ENKUR: variants seen among roughly 807,000 people sequenced by gnomAD.
ENKUR encodes enkurin.
In ENKUR, 19 loss-of-function variants were observed where a neutral mutation model predicts 27.6. The ratio of observed to expected loss-of-function variants is 0.69; its 90% CI spans 0.48 to 1.01. ENKUR has a LOEUF of 1.01. ENKUR is among the 50% of genes least tolerant of loss of function. The probability of loss-of-function intolerance (pLI) is 0.00; values close to 1 mark genes in which losing one functional copy is unlikely to be tolerated. For missense variants in ENKUR, 312 were observed against 310.5 expected (o/e 1.00, Z -0.04); for synonymous variants, 117 against 96.9 (o/e 1.21, Z -1.22).
At chr10:25,025,864 A>C in intron 2 of ENKUR, 1 of 171,780 alleles carries the variant, frequency 5.8e-6, no homozygotes, top group Non-Finnish European at 1.4e-5. Context: ...ACCACTCAAA[A>C]TGGCTAACTT....
chr10:24,994,444 G>A (rs745605399), intron 3 of ENKUR, among the ~76,000 whole-genome samples: 8 of 150,420 alleles, frequency 5.3e-5, no homozygotes, highest in Non-Finnish European at 1.0e-4. Context: ...AGCGATTCTC[G>A]TGCCTTAGCC....
rs199991900 is a variant in ENKUR, at chr10:24,994,336, C to CT, written c.447+1309dup. On this transcript the variant is annotated intron_variant, in intron 3 of 5. Transcript: ENST00000331161. ...TTATTATTCTTTAGAATTCTGCACTCTTTTTTTTTTTTTTTGACACCGAGT... is the reference window on the plus strand; with the variant it reads ...TTATTATTCTTTAGAATTCTGCACTCTTTTTTTTTTTTTTTTGACACCGAGT... 6.5e-3 allele frequency among the ~76,000 whole-genome samples: 889 copies of CT among 137,664 alleles called. 6 individuals are homozygous for CT. The highest frequency in any genetic ancestry group is 0.01 in the Admixed American group (142 of 13,584). The allele number at this position is 137,664 out of a possible 152,430, so 90.3% of individuals were successfully genotyped here.
intron 2 of ENKUR, among the ~76,000 whole-genome samples, chr10:25,045,218 A>G (rs1851109331): frequency 6.6e-6 from 1 of 152,086 alleles, no homozygotes; most frequent in Non-Finnish European, 1.5e-5. Context: ...GGTTAGTCTG[A>G]TAAAAGTTGC....
At chr10:25,027,080 C>T (rs1850867082) in intron 2 of ENKUR, among the ~76,000 whole-genome samples, 1 of 151,914 alleles carries the variant, frequency 6.6e-6, no homozygotes, top group Admixed American at 6.6e-5. Flanking sequence ...TTTTGCTTGG[C>T]ATGGTGGCTC....
chr10:25,002,922 T>TA (rs563695697), intron 1 of ENKUR, among the ~76,000 whole-genome samples: 6,383 of 147,276 alleles, frequency 0.043, 153 homozygotes, highest in Non-Finnish European at 0.062. Flanking sequence ...TCATTTGGGG[T>TA]AAAAAAAAAA....
intron 4 of ENKUR, among the ~76,000 whole-genome samples, chr10:24,988,626 C>T (rs1288600638): frequency 1.1e-5 from 1 of 94,214 alleles, no homozygotes; most frequent in Non-Finnish European, 2.1e-5. Flanking sequence ...GATTATAGAT[C>T]TTTAGCTGGC....
At chr10:25,024,639 C>G (rs754437079) in intron 2 of ENKUR, 2 of 1,614,212 alleles carry the variant, frequency 1.2e-6, no homozygotes, top group Admixed American at 3.3e-5. Flanking sequence ...ACTCCATAAA[C>G]TGGGGCCGAC....
intron 2 of ENKUR, among the ~76,000 whole-genome samples, chr10:25,022,806 T>C (rs7920740): frequency 0.036 from 5,465 of 152,220 alleles, 342 homozygotes; most frequent in African/African-American, 0.12. Flanking sequence ...AACCATGAAA[T>C]AATTTTCATT....
At chr10:25,060,107 G>C (rs1851309401) in intron 2 of ENKUR, among the ~76,000 whole-genome samples, 1 of 152,172 alleles carries the variant, frequency 6.6e-6, no homozygotes, top group Non-Finnish European at 1.5e-5. Flanking sequence ...GGGTGCTTAG[G>C]AAGCCTGTGA....
chr10:25,040,207 C>T (rs1352984), intron 2 of ENKUR, among the ~76,000 whole-genome samples: 40,208 of 151,730 alleles, frequency 0.26, 6,307 homozygotes, highest in East Asian at 0.5. Context: ...TGCATTCTAG[C>T]GGTCAAAGCA....
rs984461270 is a variant in ENKUR, at chr10:24,983,761, A to C, written c.*609T>G. 1 of 152,236 alleles carries C rather than the reference A, an allele frequency of 6.6e-6. No individual in the cohort carries two copies. Among genetic ancestry groups the C allele is most frequent in the African/African-American group, 2.4e-5 (1 of 41,472 alleles). The allele number at this position is 152,236 out of a possible 1,614,324, so 9.4% of individuals were successfully genotyped here. ...CCAGAGGATAAAAACCAGTGTAAGC[A>C]GTAGAAATTGTTATTTCTCTGATAT... is the stretch of plus-strand genomic sequence containing the variant. On this transcript the variant is annotated 3_prime_UTR_variant, in exon 6 of 6. Transcript: ENST00000331161.
intron 2 of ENKUR, among the ~76,000 whole-genome samples, chr10:24,996,320 G>A (rs1451060222): frequency 2.0e-5 from 3 of 152,168 alleles, no homozygotes; most frequent in African/African-American, 7.2e-5. Flanking sequence ...TACTCAGGAG[G>A]CTGAGGTGGG....
intron 3 of ENKUR, among the ~76,000 whole-genome samples, chr10:24,995,047 T>G (rs1850015890): frequency 6.6e-6 from 1 of 152,132 alleles, no homozygotes; most frequent in Non-Finnish European, 1.5e-5. Context: ...TAAACTATAA[T>G]GTTCACCAAT....
chr10:25,048,490 C>T (rs142698310), intron 2 of ENKUR, among the ~76,000 whole-genome samples: 41 of 151,922 alleles, frequency 2.7e-4, no homozygotes, highest in African/African-American at 9.7e-4. Flanking sequence ...TATAAAGGGA[C>T]GGGTAATGGG....
At chr10:25,056,997 G>A (rs993703868) in intron 2 of ENKUR, among the ~76,000 whole-genome samples, 22 of 152,226 alleles carry the variant, frequency 1.4e-4, no homozygotes, top group Middle Eastern at 3.4e-3. Context: ...TGGTCTCATC[G>A]CTCTCCAGAT....
At chr10:24,994,097 A>G (rs1849986875) in intron 3 of ENKUR, among the ~76,000 whole-genome samples, 1 of 152,170 alleles carries the variant, frequency 6.6e-6, no homozygotes, top group Non-Finnish European at 1.5e-5. Flanking sequence ...GTGTCCTCTG[A>G]AAACAGCCTT....
At chr10:25,039,609 T>C (rs955453110) in intron 2 of ENKUR, among the ~76,000 whole-genome samples, 8 of 152,164 alleles carry the variant, frequency 5.3e-5, no homozygotes, top group African/African-American at 1.9e-4. Context: ...TAAGTGGTCA[T>C]TGCTTATTCT....
chr10:25,023,148 T>C, intron 2 of ENKUR: 1 of 1,433,900 alleles, frequency 7.0e-7, no homozygotes. Context: ...TCTTTTGTTG[T>C]TTTTTGTTTG....
chr10:25,007,073 A>AT (rs1279707170), intron 1 of ENKUR, among the ~76,000 whole-genome samples: 1 of 152,148 alleles, frequency 6.6e-6, no homozygotes, highest in Non-Finnish European at 1.5e-5. Flanking sequence ...CCTTTACTTG[A>AT]TTTTACCTGT....
Sources: gnomAD v4.1 joint callset for allele counts (sites outside exome capture counted in the v4.1 genomes callset) on GRCh38, gnomAD v4.1.1 for gene constraint, MANE v1.5 for transcripts, NCBI Gene and HGNC (gene_info 2026-07-23, HGNC 2026-07-21) for gene names.